Variants in PSMD1 observed in about 807,000 individuals in gnomAD.
PSMD1 encodes the protein 26S proteasome non-ATPase regulatory subunit 1.
In PSMD1, 18 loss-of-function variants were observed where a neutral mutation model predicts 119.0. That is an observed-to-expected ratio of 0.15 (90% CI 0.10 to 0.22). The LOEUF (loss-of-function observed/expected upper bound fraction) is 0.22, where lower values mean the gene tolerates loss of function less well. PSMD1 is among the 10% of genes least tolerant of loss of function. The probability of loss-of-function intolerance (pLI) is 1.00; values close to 1 mark genes in which losing one functional copy is unlikely to be tolerated. For synonymous variants in PSMD1, 374 were observed against 396.6 expected, an observed-to-expected ratio of 0.94 and a Z score of 0.68; for missense variants, 702 against 1,158.5, an observed-to-expected ratio of 0.61 and a Z score of 5.72.
chr2:231,104,391 G>A (rs560664642), intron 16 of PSMD1, among the ~76,000 whole-genome samples: 1 of 152,026 alleles, frequency 6.6e-6, no homozygotes, highest in African/African-American at 2.4e-5. Flanking sequence ...TTATTTATGT[G>A]CTTGCTACTT....
At chr2:231,105,372 C>T (rs1694951948) in intron 16 of PSMD1, among the ~76,000 whole-genome samples, 1 of 152,090 alleles carries the variant, frequency 6.6e-6, no homozygotes, top group African/African-American at 2.4e-5. Flanking sequence ...ATTATAACAA[C>T]TTATGCAGTA....
intron 19 of PSMD1, among the ~76,000 whole-genome samples, chr2:231,159,952 A>T (rs185967155): frequency 1.3e-5 from 2 of 152,354 alleles, no homozygotes; most frequent in African/African-American, 4.8e-5. Context: ...ATCTAATGCC[A>T]CAGCTGATTT....
chr2:231,117,187 G>A (rs977146481), intron 16 of PSMD1, among the ~76,000 whole-genome samples: 1 of 151,934 alleles, frequency 6.6e-6, no homozygotes, highest in Admixed American at 6.6e-5. Flanking sequence ...AGTTGGTATG[G>A]TGAAATACTT....
chr2:231,085,572 TA>T (rs537975314), intron 15 of PSMD1, among the ~76,000 whole-genome samples: 51 of 152,308 alleles, frequency 3.3e-4, no homozygotes, highest in Middle Eastern at 3.4e-3. Context: ...GACAGTGAGC[TA>T]TAATTATGCC....
At position 231,070,113 on chromosome 2, in the gene PSMD1, T is replaced by G; in HGVS notation, c.599T>G (p.Val200Gly). Residue 200 changes from valine (V) to glycine (G), a missense_variant, in exon 6 of 25, where the codon GTT (valine) becomes GGT (glycine). Physicochemically the swap from Val to Gly is moderately radical, Grantham distance 109. Coordinates refer to ENST00000308696, the MANE Select transcript of PSMD1 (RefSeq NM_002807.4). ...CAGTTTCGGAATAAAGTACTAAGAG[T>G]TCTAGTTAAAATCTACATGAACTTG... is the stretch of plus-strand genomic sequence containing the variant. ...NKQFRNKVLR[V>G]LVKIYMNLEK... The G allele has an allele frequency of 6.3e-7, 1 of 1,575,202 alleles. No individual in the cohort carries two copies. The highest frequency in any genetic ancestry group is 1.2e-5 in the South Asian group (1 of 83,852).
Position 231,085,066 on chromosome 2 carries a change from T to C in PSMD1, c.1770T>C (p.Tyr590=), listed in dbSNP as rs1395988600. The change falls in exon 15 of 25, where the codon TAT becomes TAC. Residue 590 remains tyrosine (Y), a synonymous_variant. Coordinates refer to ENST00000308696, the MANE Select transcript of PSMD1 (RefSeq NM_002807.4). Reference sequence around the variant, plus strand: ...GAATGTATACTGTAGCCATGGCTTATTGTGGCTCTGGTAACAACAAAGCAA... The same window carrying C: ...GAATGTATACTGTAGCCATGGCTTACTGTGGCTCTGGTAACAACAAAGCAA... The part of the protein sequence containing the change: ...RSGMYTVAMA[Y]CGSGNNKAIR... The C allele has an allele frequency of 3.1e-6, 5 of 1,614,104 alleles. No individual in the cohort carries two copies. The South Asian group carries it at 3.3e-5, about 11-fold the overall frequency.
intron 16 of PSMD1, chr2:231,109,495 CT>C: frequency 8.5e-7 from 1 of 1,170,380 alleles, no homozygotes; most frequent in Non-Finnish European, 1.3e-6. Flanking sequence ...ATCCTTATAA[CT>C]TTATGCTTGT....
chr2:231,086,679 G>A (rs535169747), intron 15 of PSMD1, among the ~76,000 whole-genome samples: 1 of 152,194 alleles, frequency 6.6e-6, no homozygotes, highest in South Asian at 2.1e-4. Flanking sequence ...AGAGAGAAAA[G>A]TAACCCTGAA....
At chr2:231,108,960 G>A (rs1386123074) in intron 16 of PSMD1, 1 of 1,613,904 alleles carries the variant, frequency 6.2e-7, no homozygotes, top group Non-Finnish European at 8.5e-7. Context: ...CACCACATAA[G>A]CAAAAAGAGG....
At chr2:231,148,968 TG>T (rs1696311069) in intron 18 of PSMD1, among the ~76,000 whole-genome samples, 1 of 152,134 alleles carries the variant, frequency 6.6e-6, no homozygotes, top group Admixed American at 6.5e-5. Context: ...AAAGTGGAAA[TG>T]GCTCAAAAAT....
chr2:231,150,129 C>T (rs182301199), intron 18 of PSMD1, among the ~76,000 whole-genome samples: 9 of 152,062 alleles, frequency 5.9e-5, no homozygotes, highest in East Asian at 5.8e-4. Context: ...GTGGATCACG[C>T]GGTCAGGAGT....
At chr2:231,155,305 G>GT (rs1343807341) in intron 19 of PSMD1, among the ~76,000 whole-genome samples, 1 of 152,042 alleles carries the variant, frequency 6.6e-6, no homozygotes, top group East Asian at 1.9e-4. Flanking sequence ...TGCAGTCATT[G>GT]TTTCCTCAGT....
At chr2:231,131,246 C>T (rs566598078) in intron 16 of PSMD1, among the ~76,000 whole-genome samples, 1 of 152,180 alleles carries the variant, frequency 6.6e-6, no homozygotes, top group African/African-American at 2.4e-5. Context: ...GGTGGTGGGG[C>T]TGGCGGTACA....
intron 7 of PSMD1, among the ~76,000 whole-genome samples, chr2:231,074,074 C>G (rs1351671104): frequency 6.6e-6 from 1 of 151,736 alleles, no homozygotes; most frequent in Non-Finnish European, 1.5e-5. Context: ...TGAAAAAAAT[C>G]TTTAATTTTT....
intron 16 of PSMD1, among the ~76,000 whole-genome samples, chr2:231,100,773 T>C (rs1040247071): frequency 9.9e-5 from 15 of 152,226 alleles, no homozygotes; most frequent in Non-Finnish European, 1.9e-4. Context: ...TCAATACTTT[T>C]ATATACTGTT....
intron 1 of PSMD1, among the ~76,000 whole-genome samples, chr2:231,059,955 C>T (rs1693715014): frequency 6.6e-6 from 1 of 152,212 alleles, no homozygotes; most frequent in Non-Finnish European, 1.5e-5. Context: ...ACCAGTTAGT[C>T]ATAAGTGAAA....
At chr2:231,124,275 G>C (rs1461588634) in intron 16 of PSMD1, 2 of 158,614 alleles carry the variant, frequency 1.3e-5, no homozygotes, top group South Asian at 1.8e-4. Flanking sequence ...CTGTATTTCT[G>C]ATGTTGCTCA....
At chr2:231,140,495 CAAAAAAAAAA>C (rs766658246) in intron 17 of PSMD1, among the ~76,000 whole-genome samples, 7 of 48,500 alleles carry the variant, frequency 1.4e-4, no homozygotes, top group Admixed American at 4.7e-4. Context: ...GACTCCATCT[CAAAAAAAAAA>C]AAAAAAAAAA....
intron 15 of PSMD1, 44 bp downstream of exon 15, chr2:231,085,158 C>T (rs751620967): frequency 1.3e-6 from 2 of 1,502,008 alleles, no homozygotes; most frequent in South Asian, 2.3e-5. Context: ...GACGGAAAAG[C>T]TTGCAGATGG....
Sources: gnomAD v4.1 joint callset for allele counts (sites outside exome capture counted in the v4.1 genomes callset) on GRCh38, gnomAD v4.1.1 for gene constraint, MANE v1.5 for transcripts, NCBI Gene and HGNC (gene_info 2026-07-23, HGNC 2026-07-21) for gene names.